MBD2: variants seen among roughly 807,000 people sequenced by gnomAD.
MBD2 encodes the protein methyl-CpG-binding domain protein 2.
In MBD2, 9 loss-of-function variants were observed where a neutral mutation model predicts 39.3. The observed-to-expected ratio is 0.23, with a 90% confidence interval of 0.14 to 0.40. The LOEUF (loss-of-function observed/expected upper bound fraction) is 0.40. MBD2 is among the 10% of genes least tolerant of loss of function. The pLI, the probability that MBD2 is intolerant of heterozygous loss-of-function variation, is 1.00. For synonymous variants in MBD2, 233 were observed against 211.1 expected (o/e 1.10, Z -0.90); for missense variants, 458 against 532.6 (o/e 0.86, Z 1.38).
intron 2 of MBD2, among the ~76,000 whole-genome samples, chr18:54,197,879 G>T (rs940671711): frequency 1.3e-5 from 2 of 152,172 alleles, no homozygotes; most frequent in Non-Finnish European, 2.9e-5. Flanking sequence ...GGACTTTAGG[G>T]CCTAGAAATG....
intron 2 of MBD2, among the ~76,000 whole-genome samples, chr18:54,203,731 C>T (rs540587091): frequency 1.3e-5 from 2 of 152,260 alleles, no homozygotes; most frequent in Admixed American, 6.5e-5. Context: ...TGTAACATGA[C>T]AAGAGGCAAG....
chr18:54,218,022 C>T (rs1409488479), intron 1 of MBD2, among the ~76,000 whole-genome samples: 3 of 152,228 alleles, frequency 2.0e-5, no homozygotes, highest in Non-Finnish European at 2.9e-5. Context: ...AATCACACAA[C>T]ATCAAGAGAA....
At position 54,194,747 on chromosome 18, in the gene MBD2, C is replaced by T. The variant is rs187009523; in HGVS notation, c.703-5736G>A. Among the ~76,000 whole-genome samples, 57 of 152,036 alleles carry T rather than the reference C, an allele frequency of 3.7e-4. 1 individual carries two copies. Among genetic ancestry groups the T allele is most frequent in the African/African-American group, 1.1e-3 (44 of 41,492 alleles). ...AGTAGATAGAATGAATTTTATTCCA[C>T]GCCATTCAAATTCTCTGAACTCCTT... is the stretch of plus-strand genomic sequence containing the variant. On this transcript the variant is annotated intron_variant, in intron 2 of 6. Coordinates refer to ENST00000256429, the MANE Select transcript of MBD2 (RefSeq NM_003927.5).
At chr18:54,190,309 C>T (rs1045935267) in intron 2 of MBD2, among the ~76,000 whole-genome samples, 9 of 152,084 alleles carry the variant, frequency 5.9e-5, no homozygotes. Context: ...CATGTTCTCC[C>T]CAGGTCTGTT....
intron 2 of MBD2, among the ~76,000 whole-genome samples, chr18:54,201,440 GTTAAGA>G (rs1410590433): frequency 5.3e-5 from 8 of 152,098 alleles, no homozygotes; most frequent in Non-Finnish European, 8.8e-5. Context: ...TCAGGGTAAG[GTTAAGA>G]TTGAGTTTGA....
At position 54,210,514 on chromosome 18, in the gene MBD2, T is replaced by C. The variant is rs571559593; in HGVS notation, c.543-5357A>G. Among the ~76,000 whole-genome samples the C allele has an allele frequency of 5.9e-4, 90 of 152,342 alleles. 1 individual carries two copies. The Middle Eastern group carries it at 0.01, about 17-fold the overall frequency. On this transcript the variant is annotated intron_variant, in intron 1 of 6. Transcript: ENST00000256429. The stretch of plus-strand genomic sequence containing the variant: ...GTACTCTGAAATCACCGCTCTAATA[T>C]AGCAGAAGATACCTTTTCTTGTTTC...
chr18:54,163,644 G>A (rs2086111286), intron 5 of MBD2, among the ~76,000 whole-genome samples: 1 of 152,056 alleles, frequency 6.6e-6, no homozygotes, highest in Admixed American at 6.6e-5. Flanking sequence ...TAACTTGTGA[G>A]TCAGCCTTAG....
At chr18:54,203,929 G>C (rs80161125) in intron 2 of MBD2, among the ~76,000 whole-genome samples, 3 of 152,196 alleles carry the variant, frequency 2.0e-5, no homozygotes, top group African/African-American at 7.2e-5. Flanking sequence ...ACAATGCTAA[G>C]GGAAAATTTT....
intron 2 of MBD2, among the ~76,000 whole-genome samples, chr18:54,189,310 G>A (rs377151163): frequency 2.7e-5 from 4 of 145,776 alleles, no homozygotes; most frequent in Non-Finnish European, 6.0e-5. Context: ...TACAAGCTCC[G>A]CCTCCCGGGT....
chr18:54,202,040 T>C (rs1183175476), intron 2 of MBD2, among the ~76,000 whole-genome samples: 1 of 151,992 alleles, frequency 6.6e-6, no homozygotes, highest in Non-Finnish European at 1.5e-5. Context: ...TCTTTCAAGA[T>C]AAGAGTTTAA....
chr18:54,167,941 C>T (rs1250274591), intron 3 of MBD2, among the ~76,000 whole-genome samples: 1 of 133,380 alleles, frequency 7.5e-6, no homozygotes, highest in Non-Finnish European at 1.6e-5. Context: ...TTGAATATCA[C>T]AGCTATAGAA....
chr18:54,171,995 C>T (rs2199388), intron 3 of MBD2, among the ~76,000 whole-genome samples: 1 of 152,152 alleles, frequency 6.6e-6, no homozygotes, highest in African/African-American at 2.4e-5. Context: ...TAGTACAAGC[C>T]TCAGACACTT....
intron 4 of MBD2, 114 bp from the exon 5 acceptor site, chr18:54,164,814 C>A: frequency 1.3e-6 from 1 of 775,192 alleles, no homozygotes; most frequent in South Asian, 2.1e-5. Flanking sequence ...ATATGTAAAA[C>A]TGACATAAGA....
intron 2 of MBD2, 74 bp from the exon 3 acceptor site, chr18:54,189,085 A>G: frequency 3.1e-6 from 3 of 971,442 alleles, no homozygotes; most frequent in Non-Finnish European, 4.4e-6. Flanking sequence ...CTAATTCAAT[A>G]TCTATTACTT....
At position 54,203,266 on chromosome 18, in the gene MBD2, T is replaced by C. The variant is rs912851436; in HGVS notation, c.702+1732A>G. ...AAAGTACTCTTCATTTCATAAATACTGAAGCCCCTTTTATAGGTACCCAGC... is the reference window on the plus strand; with the variant it reads ...AAAGTACTCTTCATTTCATAAATACCGAAGCCCCTTTTATAGGTACCCAGC... On this transcript the variant is annotated intron_variant, in intron 2 of 6. Coordinates refer to ENST00000256429, the MANE Select transcript of MBD2 (RefSeq NM_003927.5). 4.0e-5 allele frequency: 35 copies of C among 868,698 alleles called. No homozygotes were observed. In the South Asian group the frequency reaches 5.5e-4, roughly 14 times the overall value. The allele number at this position is 868,698 out of a possible 1,614,324, so 53.8% of individuals were successfully genotyped here.
Position 54,154,513 on chromosome 18 carries a change from C to G in MBD2, c.*811G>C, listed in dbSNP as rs2086039942. The G allele has an allele frequency of 6.6e-6, 1 of 152,088 alleles. No homozygotes were observed. The highest frequency in any genetic ancestry group is 2.1e-4 in the South Asian group (1 of 4,818). 9.4% of individuals were successfully genotyped at this position (152,088 alleles called of 1,614,324 possible). ...TAAACATGGACGCCTTCTAGTAACA[C>G]CTGAAGGGTCCTTGTGTATCTGACT... On this transcript the variant is annotated 3_prime_UTR_variant, in exon 7 of 7. Transcript: ENST00000256429.
At chr18:54,204,153 A>G (rs1207285321) in intron 2 of MBD2, among the ~76,000 whole-genome samples, 1 of 152,176 alleles carries the variant, frequency 6.6e-6, no homozygotes, top group Admixed American at 6.5e-5. Flanking sequence ...CATCTTAAGA[A>G]AGAGAGCCCC....
At chr18:54,173,101 A>G (rs748948413) in intron 3 of MBD2, among the ~76,000 whole-genome samples, 2 of 152,222 alleles carry the variant, frequency 1.3e-5, no homozygotes, top group Non-Finnish European at 2.9e-5. Flanking sequence ...GAAGAGTCTG[A>G]GCACATGAAT....
chr18:54,196,521 T>C (rs1198336871), intron 2 of MBD2, among the ~76,000 whole-genome samples: 1 of 152,214 alleles, frequency 6.6e-6, no homozygotes, highest in Non-Finnish European at 1.5e-5. Flanking sequence ...TACTTCTCAG[T>C]TGGCATTAGC....
Sources: gnomAD v4.1 joint callset for allele counts (sites outside exome capture counted in the v4.1 genomes callset) on GRCh38, gnomAD v4.1.1 for gene constraint, MANE v1.5 for transcripts, NCBI Gene and HGNC (gene_info 2026-07-23, HGNC 2026-07-21) for gene names.